The following REPS1 variants were observed in gnomAD, a reference collection of about 807,000 sequenced individuals.
REPS1 encodes ralBP1-associated Eps domain-containing protein 1.
Under a neutral mutation model 100.9 loss-of-function variants are expected in REPS1, and 39 were observed. That is an observed-to-expected ratio of 0.39 (90% confidence interval 0.30 to 0.50). The LOEUF (loss-of-function observed/expected upper bound fraction) is 0.50, where lower values mean the gene tolerates loss of function less well. REPS1 is among the 20% of genes least tolerant of loss of function. The pLI, the probability that REPS1 is intolerant of heterozygous loss-of-function variation, is 0.86. For missense variants in REPS1, 821 were observed against 968.5 expected (o/e 0.85, Z 2.02); for synonymous variants, 324 against 340.3 (o/e 0.95, Z 0.53).
chr6:138,924,971 ATTTT>A (rs907223662), intron 10 of REPS1, among the ~76,000 whole-genome samples: 47 of 152,346 alleles, frequency 3.1e-4, no homozygotes, highest in African/African-American at 1.1e-3. Context: ...TAAAATAAAC[ATTTT>A]AAAATTGTAC....
chr6:138,932,463 C>A (rs1487126131), intron 8 of REPS1, among the ~76,000 whole-genome samples: 1 of 150,510 alleles, frequency 6.6e-6, no homozygotes, highest in African/African-American at 2.4e-5. Flanking sequence ...TTCCTTACCC[C>A]CCCCCACATA....
chr6:138,973,399 T>A (rs1448497346), intron 1 of REPS1, among the ~76,000 whole-genome samples: 1 of 152,036 alleles, frequency 6.6e-6, no homozygotes, highest in East Asian at 1.9e-4. Flanking sequence ...TCTGTAAATA[T>A]CTCAATGTAG....
chr6:138,951,163 G>A (rs964195712), intron 1 of REPS1: 1 of 152,378 alleles, frequency 6.6e-6, no homozygotes, highest in Non-Finnish European at 1.5e-5. Context: ...ACTCCAGCCT[G>A]GGCAACAAGA....
chr6:138,937,363 G>T lies in REPS1; in HGVS notation c.1135+3972C>A, dbSNP rs975985381. Among the ~76,000 whole-genome samples the T allele has an allele frequency of 2.0e-5, 3 of 152,150 alleles. No individual in the cohort carries two copies. The South Asian group carries it at 6.2e-4, about 32-fold the overall frequency. ...CGTCTGTATAAACACCAATACCTGT[G>T]TGTAGGTTTTTATATATATGTTAAA... is the stretch of plus-strand genomic sequence containing the variant. On this transcript the variant is annotated intron_variant, in intron 8 of 19. Coordinates refer to ENST00000450536, the MANE Select transcript of REPS1 (RefSeq NM_001286611.2).
chr6:138,921,551 C>G (rs1370658525), intron 10 of REPS1, among the ~76,000 whole-genome samples: 1 of 132,732 alleles, frequency 7.5e-6, no homozygotes, highest in African/African-American at 2.8e-5. Flanking sequence ...CTCGGGGATG[C>G]TTAGGTAGGA....
chr6:138,936,222 T>A (rs191768321), intron 8 of REPS1, among the ~76,000 whole-genome samples: 1 of 152,268 alleles, frequency 6.6e-6, no homozygotes, highest in Admixed American at 6.5e-5. Flanking sequence ...AGACAGGGTC[T>A]CGCTTTGTCA....
chr6:138,935,879 T>TGGG (rs1781798167), intron 8 of REPS1, among the ~76,000 whole-genome samples: 1 of 35,038 alleles, frequency 2.9e-5, no homozygotes, highest in Non-Finnish European at 6.1e-5. Flanking sequence ...CGCGGGGGAG[T>TGGG]GGTGGCCAGG....
intron 1 of REPS1, among the ~76,000 whole-genome samples, chr6:138,981,855 T>A (rs1198122472): frequency 1.3e-5 from 2 of 152,210 alleles, no homozygotes; most frequent in Non-Finnish European, 2.9e-5. Context: ...CATCAAATGT[T>A]TGGCACGAAT....
At chr6:138,964,367 T>A (rs981793818) in intron 1 of REPS1, among the ~76,000 whole-genome samples, 2 of 152,180 alleles carry the variant, frequency 1.3e-5, no homozygotes, top group Non-Finnish European at 1.5e-5. Flanking sequence ...TGTTATGATG[T>A]TGACGTAATG....
In REPS1 at chr6:138,946,395, G is replaced by C. The variant is rs77397933; in HGVS notation, c.278-698C>G. Among the ~76,000 whole-genome samples, 1,130 of 152,266 alleles carry C rather than the reference G, an allele frequency of 7.4e-3. 9 individuals carry two copies. The highest frequency in any genetic ancestry group is 0.025 in the African/African-American group (1,041 of 41,562). ...TGAGAAACTGTTTGCAGGTAAATAA[G>C]TGATACTTTTAGACCAGAAAAAATA... On this transcript the variant is annotated intron_variant, in intron 2 of 19. Coordinates refer to ENST00000450536, the MANE Select transcript of REPS1 (RefSeq NM_001286611.2).
chr6:138,916,355 G>T, intron 13 of REPS1: 1 of 209,292 alleles, frequency 4.8e-6, no homozygotes, highest in Non-Finnish European at 9.4e-6. Flanking sequence ...CAAGTAACTG[G>T]GATTACAGGC....
chr6:138,926,335 G>C, intron 10 of REPS1, 66 bp downstream of exon 10: 1 of 1,197,696 alleles, frequency 8.3e-7, no homozygotes, highest in Non-Finnish European at 1.2e-6. Context: ...AGCTAAAAAC[G>C]ATAATGAATG....
At chr6:138,930,475 A>G (rs1479581846) in intron 8 of REPS1, among the ~76,000 whole-genome samples, 1 of 152,204 alleles carries the variant, frequency 6.6e-6, no homozygotes, top group Non-Finnish European at 1.5e-5. Flanking sequence ...TTGAAAAATT[A>G]GGTTTTCTGC....
At chr6:138,908,552 CCCAAAA>C (rs1211475936) in intron 18 of REPS1, 110 bp downstream of exon 18, 1 of 1,107,142 alleles carries the variant, frequency 9.0e-7, no homozygotes, top group Non-Finnish European at 1.4e-6. Context: ...AGCTCAGCCT[CCCAAAA>C]TGCTGGGATT....
chr6:138,973,154 G>T (rs901691617), intron 1 of REPS1, among the ~76,000 whole-genome samples: 1 of 152,174 alleles, frequency 6.6e-6, no homozygotes, highest in Non-Finnish European at 1.5e-5. Flanking sequence ...ATAGAGTTGG[G>T]AGACTACAGA....
intron 1 of REPS1, among the ~76,000 whole-genome samples, chr6:138,949,055 A>C (rs1403203264): frequency 6.6e-6 from 1 of 152,194 alleles, no homozygotes; most frequent in Non-Finnish European, 1.5e-5. Context: ...GGAAAAGGGG[A>C]GTTTAAAAAG....
chr6:138,947,299 T>C (rs1381577031), intron 2 of REPS1, among the ~76,000 whole-genome samples: 2 of 152,194 alleles, frequency 1.3e-5, no homozygotes, highest in Admixed American at 1.3e-4. Flanking sequence ...AATATTTTAA[T>C]ATTGTCTCTT....
rs771923937 is a variant in REPS1 at position 138,945,569 on chromosome 6, T to C, written c.406A>G (p.Arg136Gly). ...YSGVIPPPPG[R>G]GQVKKGSVSH... ...ACGGATCCCTTTTTCACTTGCCCCCTGCCAGGTGGTGGGGGAATTACACCA... is the reference window on the plus strand; with the variant it reads ...ACGGATCCCTTTTTCACTTGCCCCCCGCCAGGTGGTGGGGGAATTACACCA... Residue 136 changes from arginine to glycine, a missense_variant, in exon 3 of 20, where the codon AGG becomes GGG. By Grantham distance (125) the Arg-to-Gly change is moderately radical. Around this residue, in one of 3 missense-constraint regions of REPS1, gnomAD observed 757 missense variants for 866.4 expected, o/e 0.87. Coordinates refer to ENST00000450536, the MANE Select transcript of REPS1 (RefSeq NM_001286611.2). 6.2e-7 allele frequency: 1 copy of C among 1,613,526 alleles called. No homozygotes were observed. Among genetic ancestry groups the C allele is most frequent in the Non-Finnish European group, 8.5e-7 (1 of 1,179,822 alleles).
chr6:138,906,248 G>A (rs2750414), intron 19 of REPS1, among the ~76,000 whole-genome samples: 129,246 of 152,260 alleles, frequency 0.85, 55,153 homozygotes, highest in African/African-American at 0.93. Flanking sequence ...CATTCATTCA[G>A]TAGATGTTTA....
Sources: allele counts gnomAD v4.1 joint callset (sites outside exome capture counted in the v4.1 genomes callset), GRCh38; gene constraint gnomAD v4.1.1; regional missense constraint gnomAD v4.1.1; transcripts MANE v1.5; gene names NCBI Gene and HGNC (gene_info 2026-07-23, HGNC 2026-07-21).